FMN1: variants seen among roughly 807,000 people sequenced by gnomAD.
FMN1 encodes the protein formin-1.
Under a neutral mutation model 132.4 loss-of-function variants are expected in FMN1, and 110 were observed. That is an observed-to-expected ratio of 0.83 (90% confidence interval 0.71 to 0.97). The LOEUF is 0.97. Ranked by LOEUF, FMN1 falls within the 50% of genes least tolerant of loss-of-function variation. FMN1 has a pLI of 0.00. For synonymous variants in FMN1, 722 were observed against 651.7 expected (o/e 1.11, Z -1.64); for missense variants, 1,792 against 1,705.3 (o/e 1.05, Z -0.90).
chr15:33,055,276 G>C (rs1259511407), intron 6 of FMN1, among the ~76,000 whole-genome samples: 1 of 152,098 alleles, frequency 6.6e-6, no homozygotes, highest in Admixed American at 6.5e-5. Flanking sequence ...ATCAAAATAT[G>C]TTTAAACCTA....
chr15:33,076,732 T>A (rs2219159), intron 5 of FMN1, among the ~76,000 whole-genome samples: 48,676 of 151,810 alleles, frequency 0.32, 8,087 homozygotes, highest in Admixed American at 0.37. Context: ...CATCTGATTC[T>A]AAATGTTTCT....
chr15:32,894,617 A>G (rs2060110412), intron 15 of FMN1, among the ~76,000 whole-genome samples: 1 of 152,162 alleles, frequency 6.6e-6, no homozygotes, highest in Admixed American at 6.5e-5. Context: ...CAAACAAAGT[A>G]CTTCTCAGGC....
chr15:32,928,786 T>C (rs11629899), intron 9 of FMN1, among the ~76,000 whole-genome samples: 48,567 of 152,108 alleles, frequency 0.32, 8,041 homozygotes, highest in Non-Finnish European at 0.35. Context: ...TTTCTTCAAA[T>C]GAACACGCAC....
At chr15:32,942,648 C>T in intron 9 of FMN1, among the ~76,000 whole-genome samples, 1 of 152,192 alleles carries the variant, frequency 6.6e-6, no homozygotes, top group East Asian at 1.9e-4. Flanking sequence ...AGACACCAAA[C>T]ACATTCATAC....
chr15:32,942,101 T>G (rs2061413555), intron 9 of FMN1, among the ~76,000 whole-genome samples: 1 of 152,340 alleles, frequency 6.6e-6, no homozygotes, highest in Non-Finnish European at 1.5e-5. Context: ...CCCTGCCACA[T>G]GCCAGGATTA....
intron 4 of FMN1, among the ~76,000 whole-genome samples, chr15:33,093,325 T>G (rs929250480): frequency 6.6e-6 from 1 of 152,240 alleles, no homozygotes; most frequent in Non-Finnish European, 1.5e-5. Context: ...AGAACTGATA[T>G]GTACAGGTAG....
At position 32,855,456 on chromosome 15, in the gene FMN1, A is replaced by G. The variant is rs1454801998; in HGVS notation, c.3928+1559T>C. ...GAGCCCTAGTAGAGAAGAGGCTAAC[A>G]CATTATCCCAAATGGGGATTTGCAA... On this transcript the variant is annotated intron_variant, in intron 17 of 20. Transcript: ENST00000616417. Among the ~76,000 whole-genome samples, 7 of 152,230 alleles carry G rather than the reference A, an allele frequency of 4.6e-5. No individual in the cohort carries two copies. The East Asian group carries it at 1.3e-3, about 29-fold the overall frequency.
intron 6 of FMN1, among the ~76,000 whole-genome samples, chr15:33,056,685 A>G (rs2037231417): frequency 1.3e-5 from 2 of 152,220 alleles, no homozygotes; most frequent in Admixed American, 6.5e-5. Flanking sequence ...AACAGCCACA[A>G]ACTTTGAACA....
At chr15:33,101,720 TC>T (rs1309118572) in intron 4 of FMN1, among the ~76,000 whole-genome samples, 20 of 152,156 alleles carry the variant, frequency 1.3e-4, no homozygotes, top group African/African-American at 4.6e-4. Context: ...TTAAATCCTA[TC>T]CCATCGGTCC....
intron 6 of FMN1, among the ~76,000 whole-genome samples, chr15:33,056,080 C>T (rs915745327): frequency 2.0e-5 from 3 of 152,198 alleles, no homozygotes; most frequent in Admixed American, 1.3e-4. Flanking sequence ...GTAACCAGCA[C>T]TGTCATATGC....
intron 6 of FMN1, among the ~76,000 whole-genome samples, chr15:33,045,698 C>A (rs1331704503): frequency 1.3e-5 from 2 of 152,200 alleles, no homozygotes; most frequent in Non-Finnish European, 2.9e-5. Context: ...GTACAACTCA[C>A]TGGGTCAGAA....
chr15:33,099,334 G>C (rs996053015), intron 4 of FMN1, among the ~76,000 whole-genome samples: 39 of 152,178 alleles, frequency 2.6e-4, no homozygotes, highest in African/African-American at 9.2e-4. Context: ...TGTACTGTGT[G>C]TCAGGACTCT....
rs539944037 is a variant in FMN1 at position 33,049,905 on chromosome 15, G to C, written c.2161+15052C>G. ...CTCCCTGATTCTGCCATGATTCTAG[G>C]GGCTGCTCAATTCACGAATTGTTTA... is the stretch of plus-strand genomic sequence containing the variant. On this transcript the variant is annotated intron_variant, in intron 6 of 20. Coordinates refer to ENST00000616417, the MANE Select transcript of FMN1 (RefSeq NM_001277313.2). Among the ~76,000 whole-genome samples, 176 of 152,220 alleles carry C rather than the reference G, an allele frequency of 1.2e-3. 1 individual carries two copies. Among genetic ancestry groups the C allele is most frequent in the African/African-American group, 4.0e-3 (165 of 41,546 alleles).
intron 19 of FMN1, among the ~76,000 whole-genome samples, chr15:32,795,929 C>T (rs1324195983): frequency 1.7e-4 from 26 of 152,206 alleles, no homozygotes; most frequent in Admixed American, 1.7e-3. Context: ...TCCAGGTAAA[C>T]CATATTCCCC....
intron 17 of FMN1, among the ~76,000 whole-genome samples, chr15:32,854,896 G>A (rs2059090821): frequency 1.3e-5 from 2 of 150,082 alleles, no homozygotes; most frequent in South Asian, 2.1e-4. Context: ...CCTGGGCAAT[G>A]AGGGTAAAAC....
chr15:33,161,732 C>T (rs968334039), intron 3 of FMN1, among the ~76,000 whole-genome samples: 2 of 152,080 alleles, frequency 1.3e-5, no homozygotes, highest in Non-Finnish European at 2.9e-5. Flanking sequence ...CCCTGGCCAA[C>T]ACGGTGAAAC....
At chr15:32,967,181 A>G (rs1437530719) in intron 8 of FMN1, among the ~76,000 whole-genome samples, 2 of 152,188 alleles carry the variant, frequency 1.3e-5, no homozygotes, top group Non-Finnish European at 2.9e-5. Context: ...CGGCCAACTA[A>G]ATGAGGAGGA....
At chr15:32,990,340 G>T (rs192136429) in intron 7 of FMN1, among the ~76,000 whole-genome samples, 1 of 152,128 alleles carries the variant, frequency 6.6e-6, no homozygotes, top group Non-Finnish European at 1.5e-5. Flanking sequence ...TGCAGAATTC[G>T]CTGTCCCAGA....
intron 19 of FMN1, among the ~76,000 whole-genome samples, chr15:32,794,235 G>A (rs753448068): frequency 1.9e-4 from 29 of 152,310 alleles, no homozygotes; most frequent in Non-Finnish European, 2.5e-4. Context: ...CCCCTATGGT[G>A]TAAATTATAG....
Sources: gnomAD v4.1 joint callset for allele counts (sites outside exome capture counted in the v4.1 genomes callset) on GRCh38, gnomAD v4.1.1 for gene constraint, MANE v1.5 for transcripts, NCBI Gene and HGNC (gene_info 2026-07-23, HGNC 2026-07-21) for gene names.